RPH3AL: variants seen among roughly 807,000 people sequenced by gnomAD.
The protein encoded by RPH3AL is rabphilin 3A like (without C2 domains).
RPH3AL carries 38 observed loss-of-function variants against 43.1 expected under a neutral mutation model. That is an observed-to-expected ratio of 0.88 (90% CI 0.68 to 1.15). RPH3AL has a LOEUF of 1.15. Ranked by LOEUF, RPH3AL falls within the 50% of genes most tolerant of loss-of-function variation. RPH3AL has a pLI of 0.00. For missense variants in RPH3AL, 462 were observed against 423.2 expected (o/e 1.09, Z -0.81); for synonymous variants, 189 against 176.3 (o/e 1.07, Z -0.57).
chr17:213,335 G>A lies in RPH3AL; in HGVS notation c.*517C>T, dbSNP rs1165932871. 2 of 168,602 alleles carry A rather than the reference G, an allele frequency of 1.2e-5. No homozygotes were observed. The highest frequency in any genetic ancestry group is 1.4e-4 in the South Asian group (1 of 7,342). 10.4% of individuals were successfully genotyped at this position (168,602 alleles called of 1,614,324 possible). A position where few individuals can be genotyped will look rare whatever the true frequency, so the allele number is the denominator to read the frequency against. On this transcript the variant is annotated 3_prime_UTR_variant, in exon 10 of 10. Coordinates refer to ENST00000331302, the MANE Select transcript of RPH3AL (RefSeq NM_006987.4). The stretch of plus-strand genomic sequence containing the variant: ...GTCCTGGGCCAGCCCATGGGAGGGG[G>A]GCACTGCGCCTGCCTCCCAGAGCTG...
rs12947571 is a variant in RPH3AL at position 264,003 on chromosome 17, G to T, written c.439-16718C>A. ...AGGGCCTGAGGGTATCGTGCTGTTA[G>T]CGGACGCGATGCTGCTTTCCAAGAT... On this transcript the variant is annotated intron_variant, in intron 6 of 9. Transcript: ENST00000331302. This position sits in a 1 kb window ranked among gnomAD's most constrained non-coding sequence, Gnocchi z 4.8. Among the ~76,000 whole-genome samples the T allele has an allele frequency of 0.36, 54,239 of 151,966 alleles. 9,895 individuals carry two copies. Among genetic ancestry groups the T allele is most frequent in the South Asian group, 0.53 (2,564 of 4,802 alleles).
At position 213,337 on chromosome 17, in the gene RPH3AL, C is replaced by CA. The variant is rs1755221864; in HGVS notation, c.*514dup. 2 of 169,050 alleles carry CA rather than the reference C, an allele frequency of 1.2e-5. No homozygotes were observed. Among genetic ancestry groups the CA allele is most frequent in the East Asian group, 1.8e-4 (1 of 5,474 alleles). 10.5% of individuals were successfully genotyped at this position (169,050 alleles called of 1,614,324 possible). A position where few individuals can be genotyped will look rare whatever the true frequency, so the allele number is the denominator to read the frequency against. ...CCTGGGCCAGCCCATGGGAGGGGGGCACTGCGCCTGCCTCCCAGAGCTGAA... is the reference window on the plus strand; with the variant it reads ...CCTGGGCCAGCCCATGGGAGGGGGGCAACTGCGCCTGCCTCCCAGAGCTGAA... On this transcript the variant is annotated 3_prime_UTR_variant, in exon 10 of 10. Transcript: ENST00000331302.
intron 5 of RPH3AL, among the ~76,000 whole-genome samples, chr17:307,194 G>A (rs1208787698): frequency 1.4e-5 from 1 of 69,516 alleles, no homozygotes; most frequent in Non-Finnish European, 3.5e-5. Flanking sequence ...CCCGCGGCAG[G>A]TCCTCCCCAC....
At chr17:321,247 T>C in intron 4 of RPH3AL, 25 bp downstream of exon 4, 3 of 1,596,596 alleles carry the variant, frequency 1.9e-6, no homozygotes, top group Non-Finnish European at 2.6e-6. Flanking sequence ...GTCCTCCCAC[T>C]GAGCTGGCCC....
rs2042277332 is a variant in RPH3AL at position 264,501 on chromosome 17, G to A, written c.439-17216C>T. On this transcript the variant is annotated intron_variant, in intron 6 of 9. Coordinates refer to ENST00000331302, the MANE Select transcript of RPH3AL (RefSeq NM_006987.4). The surrounding 1 kb of genome is among the most constrained non-coding windows in gnomAD (Gnocchi z 4.8). ...GATGGGGACTCAGAATCCGCAGCATGTTGACAGCAGGATTACCCTTCGGAG... is the reference window on the plus strand; with the variant it reads ...GATGGGGACTCAGAATCCGCAGCATATTGACAGCAGGATTACCCTTCGGAG... Among the ~76,000 whole-genome samples the A allele has an allele frequency of 1.3e-5, 2 of 151,724 alleles. No individual in the cohort carries two copies. The highest frequency in any genetic ancestry group is 4.2e-4 in the South Asian group (2 of 4,788).
In RPH3AL at chr17:328,156, C is replaced by T. The variant is rs890872510; in HGVS notation, c.-36-577G>A. On this transcript the variant is annotated intron_variant, in intron 2 of 9. Transcript: ENST00000331302. This position sits in a 1 kb window ranked among gnomAD's most constrained non-coding sequence, Gnocchi z 4.2. ...CACCCAGCACCATGCCAAGGGGAGC[C>T]GTCCATAGACACTGCCATGAAAATG... Among the ~76,000 whole-genome samples, 1 of 151,976 alleles carries T rather than the reference C, an allele frequency of 6.6e-6. No individual in the cohort carries two copies. The highest frequency in any genetic ancestry group is 2.4e-5 in the African/African-American group (1 of 41,380).
At chr17:309,633 T>C (rs1269263553) in intron 5 of RPH3AL, among the ~76,000 whole-genome samples, 34 of 99,588 alleles carry the variant, frequency 3.4e-4, no homozygotes, top group African/African-American at 6.3e-4. Flanking sequence ...ACATCCCCCG[T>C]CCAGGGCTCC....
Position 213,785 on chromosome 17 carries a change from A to G in RPH3AL, c.*67T>C. On this transcript the variant is annotated 3_prime_UTR_variant, in exon 10 of 10. Transcript: ENST00000331302. ...TCTGGTGAGGGCACAAGGACCGGTC[A>G]GGGAGGAGCCGGGCAGGGTCTGGCA... 2 of 1,324,030 alleles carry G rather than the reference A, an allele frequency of 1.5e-6. No homozygotes were observed. The highest frequency in any genetic ancestry group is 1.1e-6 in the Non-Finnish European group (1 of 927,478). 82.0% of individuals were successfully genotyped at this position (1,324,030 alleles called of 1,614,324 possible).
rs747865181 is a variant in RPH3AL, at chr17:213,491, G to A, written c.*361C>T. The A allele has an allele frequency of 2.2e-5, 8 of 360,202 alleles. No individual in the cohort carries two copies. The highest frequency in any genetic ancestry group is 2.1e-4 in the East Asian group (3 of 14,504). 22.3% of individuals were successfully genotyped at this position (360,202 alleles called of 1,614,324 possible). A position where few individuals can be genotyped will look rare whatever the true frequency, so the allele number is the denominator to read the frequency against. On this transcript the variant is annotated 3_prime_UTR_variant, in exon 10 of 10. Transcript: ENST00000331302. ...TTAGTCTTGCCATTAATATAGCAAC[G>A]GAGATAGCCCCACCGGGCGGCCCCT... is the stretch of plus-strand genomic sequence containing the variant.
chr17:330,407 G>A (rs1254145516), intron 2 of RPH3AL, among the ~76,000 whole-genome samples: 1 of 152,244 alleles, frequency 6.6e-6, no homozygotes, highest in Non-Finnish European at 1.5e-5. Flanking sequence ...TAATGGACAA[G>A]CAAGGAAAGA....
chr17:321,491 G>A (rs1319188903), intron 3 of RPH3AL, 76 bp from the exon 4 acceptor site: 1 of 1,437,284 alleles, frequency 7.0e-7, no homozygotes, highest in Non-Finnish European at 9.2e-7. Context: ...CATCCACCAA[G>A]CCCCCCCGAG....
At chr17:286,521 G>C (rs1414499732) in intron 5 of RPH3AL, among the ~76,000 whole-genome samples, 1 of 152,204 alleles carries the variant, frequency 6.6e-6, no homozygotes, top group Non-Finnish European at 1.5e-5. Context: ...TGCTGCTTTC[G>C]TAAATCTCAG....
intron 2 of RPH3AL, chr17:332,191 T>A: frequency 3.1e-6 from 1 of 320,338 alleles, no homozygotes. Flanking sequence ...GGCCACTTCC[T>A]CCGTAAACTA....
chr17:282,000 G>A (rs1480664026), intron 5 of RPH3AL, 146 bp from the exon 6 acceptor site: 3 of 655,106 alleles, frequency 4.6e-6, no homozygotes. Context: ...CACCCCAGAG[G>A]CACAGCTCAT....
intron 6 of RPH3AL, among the ~76,000 whole-genome samples, chr17:267,128 C>T (rs764168901): frequency 1.6e-4 from 24 of 152,256 alleles, no homozygotes; most frequent in Non-Finnish European, 2.6e-4. Context: ...TGGTCCTGCG[C>T]GCCATCCTCT....
chr17:223,937 C>A (rs547231555), intron 7 of RPH3AL, among the ~76,000 whole-genome samples: 1 of 151,802 alleles, frequency 6.6e-6, no homozygotes, highest in African/African-American at 2.4e-5. Context: ...GGTTCACCCC[C>A]AGCAGAGAGG....
At chr17:310,144 ACT>A (rs1000083440) in intron 5 of RPH3AL, among the ~76,000 whole-genome samples, 16 of 151,854 alleles carry the variant, frequency 1.1e-4, no homozygotes, top group African/African-American at 3.4e-4. Flanking sequence ...GGCTAGCTGG[ACT>A]CTCAGTGAGA....
At chr17:253,140 T>C (rs1327259407) in intron 6 of RPH3AL, among the ~76,000 whole-genome samples, 1 of 152,086 alleles carries the variant, frequency 6.6e-6, no homozygotes, top group Non-Finnish European at 1.5e-5. Context: ...GGGAGAGGCA[T>C]CCATCAGGGC....
rs2041780777 is a variant in RPH3AL at position 246,982 on chromosome 17, G to A, written c.613+129C>T. ...GGTGTGGAGCTGAGGGCACAGGGAG[G>A]GACGCATCACCAGAATGAGCCTCGT... On this transcript the variant is annotated intron_variant, in intron 7 of 9. Transcript: ENST00000331302. The surrounding 1 kb of genome is among the most constrained non-coding windows in gnomAD (Gnocchi z 4.8). 1 of 955,722 alleles carries A rather than the reference G, an allele frequency of 1.0e-6. No individual in the cohort carries two copies. Among genetic ancestry groups the A allele is most frequent in the East Asian group, 2.4e-5 (1 of 41,636 alleles). The allele number at this position is 955,722 out of a possible 1,614,324, so 59.2% of individuals were successfully genotyped here. A position where few individuals can be genotyped will look rare whatever the true frequency, so the allele number is the denominator to read the frequency against.
Sources: allele counts gnomAD v4.1 joint callset (sites outside exome capture counted in the v4.1 genomes callset), GRCh38; gene constraint gnomAD v4.1.1; non-coding constraint Gnocchi (gnomAD v3.1); transcripts MANE v1.5; gene names NCBI Gene and HGNC (gene_info 2026-07-23, HGNC 2026-07-21).